TIMP3: variants seen among roughly 807,000 people sequenced by gnomAD.
TIMP3 encodes metalloproteinase inhibitor 3.
TIMP3 carries 11 observed loss-of-function variants against 30.0 expected under a neutral mutation model. The observed-to-expected ratio is 0.37, with a 90% CI of 0.23 to 0.61. TIMP3 has a LOEUF of 0.61. Among genes scored for constraint, TIMP3 ranks in the 20% least tolerant of loss-of-function variants. The pLI, the probability that TIMP3 is intolerant of heterozygous loss-of-function variation, is 0.70. For missense variants in TIMP3, 181 were observed against 276.8 expected (o/e 0.65, Z 2.45); for synonymous variants, 112 against 111.3 (o/e 1.01, Z -0.04).
intron 1 of TIMP3, among the ~76,000 whole-genome samples, chr22:32,818,732 C>A (rs985289310): frequency 6.6e-6 from 1 of 152,062 alleles, no homozygotes. Context: ...TCACTGTGGC[C>A]GGCCTAGGGG....
chr22:32,834,708 T>C (rs1482244202), intron 1 of TIMP3, among the ~76,000 whole-genome samples: 5 of 152,182 alleles, frequency 3.3e-5, no homozygotes, highest in Non-Finnish European at 7.3e-5. Context: ...AGAGGACAGC[T>C]GGCCCTGTGC....
chr22:32,833,276 A>G (rs923025156), intron 1 of TIMP3, among the ~76,000 whole-genome samples: 1 of 152,200 alleles, frequency 6.6e-6, no homozygotes, highest in African/African-American at 2.4e-5. Context: ...ATAAGCAGGG[A>G]GAGACCATCC....
chr22:32,843,661 C>T lies in TIMP3; in HGVS notation c.122-5791C>T, dbSNP rs573526977. On this transcript the variant is annotated intron_variant, in intron 1 of 4. Transcript: ENST00000266085. ...GGGTAGGGCATCATTCCAACACTTC[C>T]AGATCCCTCTTTTCCTCCAAGTCTA... 3.9e-5 allele frequency among the ~76,000 whole-genome samples: 6 copies of T among 152,252 alleles called. No individual in the cohort carries two copies. In the South Asian group the frequency reaches 6.2e-4, roughly 16 times the overall value.
At chr22:32,841,732 A>G (rs130305) in intron 1 of TIMP3, among the ~76,000 whole-genome samples, 145,091 of 151,878 alleles carry the variant, frequency 0.96, 69,357 homozygotes, top group African/African-American at 0.99. Flanking sequence ...GCTAATGCAC[A>G]CTCGGCTTAA....
intron 2 of TIMP3, among the ~76,000 whole-genome samples, chr22:32,851,723 G>C (rs2146257043): frequency 6.6e-6 from 1 of 152,270 alleles, no homozygotes; most frequent in East Asian, 1.9e-4. Context: ...TCCCAATCCT[G>C]TGTTCTTTAT....
At chr22:32,805,146 G>C (rs923814017) in intron 1 of TIMP3, among the ~76,000 whole-genome samples, 5 of 152,138 alleles carry the variant, frequency 3.3e-5, no homozygotes, top group Non-Finnish European at 5.9e-5. Context: ...CTTCTCTCTT[G>C]CCGCCTTTGC....
At chr22:32,857,466 A>T in intron 3 of TIMP3, 106 bp downstream of exon 3, 1 of 858,832 alleles carries the variant, frequency 1.2e-6, no homozygotes, top group Non-Finnish European at 2.0e-6. Flanking sequence ...TGTCCAGTAA[A>T]TTGTAAGGAG....
chr22:32,859,540 G>T lies in TIMP3; in HGVS notation c.*163G>T. ...CTATGCTGTCATATGGGGTTTATTG[G>T]GAACTATCCTCCTGGCCCCACCCTG... On this transcript the variant is annotated 3_prime_UTR_variant, in exon 5 of 5. Transcript: ENST00000266085. 6 of 899,624 alleles carry T rather than the reference G, an allele frequency of 6.7e-6. No individual in the cohort carries two copies. The highest frequency in any genetic ancestry group is 9.9e-6 in the Non-Finnish European group (6 of 608,442). 55.7% of individuals were successfully genotyped at this position (899,624 alleles called of 1,614,324 possible).
intron 2 of TIMP3, 31 bp from the exon 3 acceptor site, chr22:32,857,218 G>A: frequency 6.4e-7 from 1 of 1,560,360 alleles, no homozygotes; most frequent in South Asian, 1.1e-5. Flanking sequence ...AACTGGGAAA[G>A]AAGAAGTCAT....
At chr22:32,825,186 A>C (rs557584749) in intron 1 of TIMP3, among the ~76,000 whole-genome samples, 1 of 152,224 alleles carries the variant, frequency 6.6e-6, no homozygotes, top group East Asian at 1.9e-4. Context: ...GGAACTGAGA[A>C]ACTGTGTCTA....
At chr22:32,815,435 T>C (rs2047061973) in intron 1 of TIMP3, among the ~76,000 whole-genome samples, 1 of 152,196 alleles carries the variant, frequency 6.6e-6, no homozygotes, top group South Asian at 2.1e-4. Context: ...TTTGATAATA[T>C]TTTAACATTT....
rs186627920 is a variant in TIMP3 at position 32,830,985 on chromosome 22, G to A, written c.122-18467G>A. Among the ~76,000 whole-genome samples the A allele has an allele frequency of 1.4e-3, 208 of 152,306 alleles. 1 individual carries two copies. Among genetic ancestry groups the A allele is most frequent in the African/African-American group, 4.9e-3 (204 of 41,564 alleles). On this transcript the variant is annotated intron_variant, in intron 1 of 4. Transcript: ENST00000266085. The stretch of plus-strand genomic sequence containing the variant: ...TTTCCCCAACCAGGGGCACAGGGGT[G>A]GGGGAAGAGGAGAAACATGAAGGTA...
intron 1 of TIMP3, among the ~76,000 whole-genome samples, chr22:32,828,462 G>A (rs1479010147): frequency 6.6e-6 from 1 of 152,210 alleles, no homozygotes; most frequent in Non-Finnish European, 1.5e-5. Context: ...TCCCTGGCTG[G>A]GTGCTGTGCA....
intron 1 of TIMP3, among the ~76,000 whole-genome samples, chr22:32,846,165 T>C (rs577935917): frequency 6.6e-6 from 1 of 152,252 alleles, no homozygotes; most frequent in Non-Finnish European, 1.5e-5. Flanking sequence ...GACTGTGATC[T>C]TGTTTGGCTG....
intron 1 of TIMP3, among the ~76,000 whole-genome samples, chr22:32,816,025 T>G (rs1050947255): frequency 1.1e-4 from 17 of 152,120 alleles, no homozygotes; most frequent in African/African-American, 4.1e-4. Flanking sequence ...CAGCACTGAT[T>G]GAAGGGCCCA....
At chr22:32,857,116 A>T in intron 2 of TIMP3, 133 bp from the exon 3 acceptor site, 1 of 739,740 alleles carries the variant, frequency 1.4e-6, no homozygotes, top group Non-Finnish European at 2.5e-6. Context: ...TGCTGCAGTC[A>T]ACATGAGAGT....
At chr22:32,821,442 T>TG (rs578050821) in intron 1 of TIMP3, among the ~76,000 whole-genome samples, 4 of 152,190 alleles carry the variant, frequency 2.6e-5, no homozygotes, top group Non-Finnish European at 4.4e-5. Context: ...AGAAGGTGGG[T>TG]GTGGCCCTCA....
chr22:32,837,837 C>T lies in TIMP3; in HGVS notation c.122-11615C>T, dbSNP rs961525415. On this transcript the variant is annotated intron_variant, in intron 1 of 4. Coordinates refer to ENST00000266085, the MANE Select transcript of TIMP3 (RefSeq NM_000362.5). This position sits in a 1 kb window ranked among gnomAD's most constrained non-coding sequence, Gnocchi z 4.1. ...CAACCTACCAAGCTGGGAGTTACCG[C>T]CCACTGCAAGGCACCCCTGTACTTT... Among the ~76,000 whole-genome samples, 1 of 152,188 alleles carries T rather than the reference C, an allele frequency of 6.6e-6. No homozygotes were observed. Among genetic ancestry groups the T allele is most frequent in the African/African-American group, 2.4e-5 (1 of 41,452 alleles).
In TIMP3 at chr22:32,825,215, T is replaced by C. The variant is rs1331099528; in HGVS notation, c.121+23093T>C. On this transcript the variant is annotated intron_variant, in intron 1 of 4. Transcript: ENST00000266085. Reference sequence around the variant, plus strand: ...GTGTCTAGGGCTTCCTTAGTTATACTGAATGCTGCATGTAGAGGTCTGCAG... The same window carrying C: ...GTGTCTAGGGCTTCCTTAGTTATACCGAATGCTGCATGTAGAGGTCTGCAG... Among the ~76,000 whole-genome samples the C allele has an allele frequency of 3.3e-5, 5 of 152,146 alleles. No individual in the cohort carries two copies. In the South Asian group the frequency reaches 1.0e-3, roughly 32 times the overall value.
Sources: allele counts gnomAD v4.1 joint callset (sites outside exome capture counted in the v4.1 genomes callset), GRCh38; gene constraint gnomAD v4.1.1; non-coding constraint Gnocchi (gnomAD v3.1); transcripts MANE v1.5; gene names NCBI Gene and HGNC (gene_info 2026-07-23, HGNC 2026-07-21).